Variants in USP40 observed in about 807,000 individuals in gnomAD.
USP40 encodes ubiquitin carboxyl-terminal hydrolase 40.
Under a neutral mutation model 166.2 loss-of-function variants are expected in USP40, and 143 were observed. That is an observed-to-expected ratio of 0.86 (90% CI 0.75 to 0.99). The LOEUF (loss-of-function observed/expected upper bound fraction) is 0.99. Ranked by LOEUF, USP40 falls within the 50% of genes least tolerant of loss-of-function variation. The pLI is 0.00. For missense variants in USP40, 1,444 were observed against 1,479.7 expected (o/e 0.98, Z 0.40); for synonymous variants, 498 against 524.0 (o/e 0.95, Z 0.68).
At chr2:233,510,771 T>C (rs1256938670) in intron 20 of USP40, among the ~76,000 whole-genome samples, 2 of 152,184 alleles carry the variant, frequency 1.3e-5, no homozygotes, top group Admixed American at 1.3e-4. Context: ...GAATTTGTAA[T>C]TACTACACAC....
intron 24 of USP40, among the ~76,000 whole-genome samples, chr2:233,496,305 T>C (rs955520328): frequency 2.0e-5 from 3 of 152,244 alleles, no homozygotes; most frequent in Non-Finnish European, 4.4e-5. Context: ...CCCTCTCATA[T>C]GCTACTGCAT....
chr2:233,541,099 T>C (rs906264881), intron 9 of USP40, among the ~76,000 whole-genome samples: 4 of 152,158 alleles, frequency 2.6e-5, no homozygotes, highest in Admixed American at 2.0e-4. Flanking sequence ...AACAAGAATT[T>C]TGGAAGAGAT....
intron 8 of USP40, chr2:233,547,067 C>A (rs2070015988): frequency 6.6e-6 from 1 of 152,054 alleles, no homozygotes; most frequent in African/African-American, 2.4e-5. Context: ...CCATTCACTG[C>A]AGTAAGCAAA....
chr2:233,565,331 G>C, intron 2 of USP40, 25 bp downstream of exon 2: 2 of 1,482,092 alleles, frequency 1.3e-6, no homozygotes, highest in Non-Finnish European at 1.8e-6. Flanking sequence ...CATATTGCTA[G>C]TTAAATGTAC....
intron 20 of USP40, among the ~76,000 whole-genome samples, chr2:233,511,329 T>G (rs1421854463): frequency 6.6e-6 from 1 of 152,186 alleles, no homozygotes; most frequent in Non-Finnish European, 1.5e-5. Context: ...AGACTTACTA[T>G]TTTCTGTACC....
intron 9 of USP40, among the ~76,000 whole-genome samples, chr2:233,541,969 T>C (rs1351642008): frequency 6.6e-6 from 1 of 152,260 alleles, no homozygotes; most frequent in African/African-American, 2.4e-5. Flanking sequence ...AAAGAATATA[T>C]ATCAAAGTGT....
intron 3 of USP40, among the ~76,000 whole-genome samples, chr2:233,562,279 G>A (rs1452910265): frequency 2.0e-5 from 3 of 146,584 alleles, no homozygotes; most frequent in Non-Finnish European, 4.5e-5. Context: ...TGTTTATTGT[G>A]GCATTATTCA....
intron 12 of USP40, among the ~76,000 whole-genome samples, chr2:233,529,158 T>A (rs771892359): frequency 6.6e-6 from 1 of 152,222 alleles, no homozygotes; most frequent in Non-Finnish European, 1.5e-5. Context: ...AGCCCAACTA[T>A]GTGCTCACTG....
chr2:233,482,947 T>C (rs757386363), intron 30 of USP40, among the ~76,000 whole-genome samples: 1 of 152,230 alleles, frequency 6.6e-6, no homozygotes, highest in Non-Finnish European at 1.5e-5. Context: ...GGCCATTCTC[T>C]TCTCCTCTGT....
At position 233,537,473 on chromosome 2, in the gene USP40, T is replaced by C. The variant is rs370592119; in HGVS notation, c.1170+3189A>G. Among the ~76,000 whole-genome samples, 12 of 152,190 alleles carry C rather than the reference T, an allele frequency of 7.9e-5. No homozygotes were observed. In the East Asian group the frequency reaches 2.1e-3, roughly 27 times the overall value. On this transcript the variant is annotated intron_variant, in intron 10 of 31. Coordinates refer to ENST00000678225, the MANE Select transcript of USP40 (RefSeq NM_001365479.2). ...CACAGATATTAAAAATACTTAGCAA[T>C]AGAATGTAAATAAACACAAGGAACA...
In USP40 at chr2:233,491,276, A is replaced by G; in HGVS notation, c.2918-15T>C. The G allele has an allele frequency of 6.3e-7, 1 of 1,588,434 alleles. No individual in the cohort carries two copies. Among genetic ancestry groups the G allele is most frequent in the Non-Finnish European group, 8.6e-7 (1 of 1,159,458 alleles). On this transcript the variant is annotated splice_polypyrimidine_tract_variant and intron_variant, in intron 25 of 31. Transcript: ENST00000678225. ...CCCAGAAGCACCTTCCAAAGGACAG[A>G]GCGGGATGTTTACAAGGAACTTGAA... is the stretch of plus-strand genomic sequence containing the variant.
chr2:233,551,225 C>T, intron 7 of USP40, 151 bp downstream of exon 7: 1 of 874,264 alleles, frequency 1.1e-6, no homozygotes, highest in Non-Finnish European at 1.7e-6. Context: ...ATGCATGAGA[C>T]AGTCTCCCAC....
At chr2:233,516,141 T>C (rs978760123) in intron 18 of USP40, among the ~76,000 whole-genome samples, 1 of 152,176 alleles carries the variant, frequency 6.6e-6, no homozygotes, top group African/African-American at 2.4e-5. Context: ...AAACAGGTTG[T>C]AGGCCATAGT....
At chr2:233,545,279 AC>A (rs1476477796) in intron 8 of USP40, among the ~76,000 whole-genome samples, 3 of 152,196 alleles carry the variant, frequency 2.0e-5, no homozygotes, top group African/African-American at 7.2e-5. Context: ...GAAGAGGCAA[AC>A]CGGCAATGTA....
chr2:233,512,337 A>G (rs1052877095), intron 19 of USP40: 6 of 307,768 alleles, frequency 1.9e-5, no homozygotes, highest in African/African-American at 6.5e-5. Flanking sequence ...CAAACCCGTG[A>G]GTAAAATGAG....
intron 21 of USP40, among the ~76,000 whole-genome samples, chr2:233,507,916 A>T (rs1344803284): frequency 6.6e-6 from 1 of 152,116 alleles, no homozygotes; most frequent in Non-Finnish European, 1.5e-5. Context: ...ATTATACAAC[A>T]CATATATGTA....
chr2:233,541,314 G>A (rs1201928173), intron 9 of USP40, among the ~76,000 whole-genome samples: 2 of 152,144 alleles, frequency 1.3e-5, no homozygotes, highest in East Asian at 3.8e-4. Flanking sequence ...GGTAAAACGA[G>A]GCTGTTTTCC....
At position 233,476,530 on chromosome 2, in the gene USP40, CGGTCA is replaced by C. The variant is rs1448262993; in HGVS notation, c.*857_*861del. ...TTTTCATTGAGGCTACTCAGGAAAC[CGGTCA>C]GGCTGCCCAGGACACCTGGAACCTG... On this transcript the variant is annotated 3_prime_UTR_variant, in exon 32 of 32. Coordinates refer to ENST00000678225, the MANE Select transcript of USP40 (RefSeq NM_001365479.2). 5 of 152,354 alleles carry C rather than the reference CGGTCA, an allele frequency of 3.3e-5. No homozygotes were observed. Among genetic ancestry groups the C allele is most frequent in the Admixed American group, 2.6e-4 (4 of 15,278 alleles). 9.4% of individuals were successfully genotyped at this position (152,354 alleles called of 1,614,324 possible).
chr2:233,545,631 GCA>G (rs2069845105), intron 8 of USP40: 1 of 156,544 alleles, frequency 6.4e-6, no homozygotes, highest in African/African-American at 2.4e-5. Context: ...CATCTTCCAG[GCA>G]CACTAAGAGA....
Sources: gnomAD v4.1 joint callset for allele counts (sites outside exome capture counted in the v4.1 genomes callset) on GRCh38, gnomAD v4.1.1 for gene constraint, MANE v1.5 for transcripts, NCBI Gene and HGNC (gene_info 2026-07-23, HGNC 2026-07-21) for gene names.